The following PCDHGA11 variants were observed in gnomAD, a reference collection of about 807,000 sequenced individuals.
PCDHGA11 encodes protocadherin gamma-A11.
A neutral mutation model predicts 60.4 loss-of-function variants in PCDHGA11; 39 were observed. The observed-to-expected ratio is 0.65, with a 90% CI of 0.50 to 0.84. The LOEUF (loss-of-function observed/expected upper bound fraction) is 0.84. Ranked by LOEUF, PCDHGA11 falls within the 40% of genes least tolerant of loss-of-function variation. The pLI is 0.00. For synonymous variants in PCDHGA11, 533 were observed against 510.3 expected (o/e 1.04, Z -0.60); for missense variants, 1,165 against 1,197.7 (o/e 0.97, Z 0.40).
At chr5:141,470,649 C>T (rs1486535307) in intron 1 of PCDHGA11, among the ~76,000 whole-genome samples, 1 of 152,160 alleles carries the variant, frequency 6.6e-6, no homozygotes, top group African/African-American at 2.4e-5. Flanking sequence ...TTGAAGGCCC[C>T]TACCCTTTGG....
intron 1 of PCDHGA11, chr5:141,441,111 G>A (rs1457975305): frequency 1.3e-5 from 2 of 152,194 alleles, no homozygotes; most frequent in Non-Finnish European, 1.5e-5. Flanking sequence ...TCATTGTCCA[G>A]TGTACAGTTG....
At chr5:141,427,957 C>A in intron 1 of PCDHGA11, 2 of 1,588,400 alleles carry the variant, frequency 1.3e-6, no homozygotes, top group Non-Finnish European at 1.7e-6. Flanking sequence ...GACAATGTGC[C>A]GCGGGTGCTG....
chr5:141,491,980 C>T lies in PCDHGA11; in HGVS notation c.2434-2827C>T. ...AAAAAAGGCCGGGGCCTCCTTCGAG[C>T]TTCCGGTGAATTTCGGGCGATTTCC... On this transcript the variant is annotated intron_variant, in intron 1 of 3. Transcript: ENST00000398587. The surrounding 1 kb of genome is among the most constrained non-coding windows in gnomAD (Gnocchi z 6.9). The T allele has an allele frequency of 2.5e-6, 2 of 784,432 alleles. No individual in the cohort carries two copies. The highest frequency in any genetic ancestry group is 3.8e-6 in the Non-Finnish European group (2 of 530,588). 48.6% of individuals were successfully genotyped at this position (784,432 alleles called of 1,614,324 possible). A position where few individuals can be genotyped will look rare whatever the true frequency, so the allele number is the denominator to read the frequency against.
chr5:141,483,289 A>G (rs1446467890), intron 1 of PCDHGA11, among the ~76,000 whole-genome samples: 3 of 152,194 alleles, frequency 2.0e-5, no homozygotes, highest in Admixed American at 2.0e-4. Flanking sequence ...TCTGTCAGTC[A>G]TAAGTGAAGG....
At chr5:141,503,814 T>C (rs539980053) in intron 2 of PCDHGA11, among the ~76,000 whole-genome samples, 2 of 152,100 alleles carry the variant, frequency 1.3e-5, no homozygotes, top group East Asian at 3.9e-4. Flanking sequence ...GAATCCCAGA[T>C]TGGGCAAAAC....
At chr5:141,508,383 T>C (rs1169318572) in intron 3 of PCDHGA11, 1 of 152,236 alleles carries the variant, frequency 6.6e-6, no homozygotes, top group Non-Finnish European at 1.5e-5. Flanking sequence ...CTCAGATTTA[T>C]AGATGGGAAA....
chr5:141,476,234 G>A lies in PCDHGA11; in HGVS notation c.2434-18573G>A. 6.2e-7 allele frequency: 1 copy of A among 1,614,070 alleles called. No individual in the cohort carries two copies. The highest frequency in any genetic ancestry group is 8.5e-7 in the Non-Finnish European group (1 of 1,180,014). On this transcript the variant is annotated intron_variant, in intron 1 of 3. Coordinates refer to ENST00000398587, the MANE Select transcript of PCDHGA11 (RefSeq NM_018914.3). The surrounding 1 kb of genome is among the most constrained non-coding windows in gnomAD (Gnocchi z 7.6). Reference sequence around the variant, plus strand: ...GGTCATTCACTATGAGATCCCGGAGGAAAGAGAGAAGGGTTTCGCTGTGGG... The same window carrying A: ...GGTCATTCACTATGAGATCCCGGAGAAAAGAGAGAAGGGTTTCGCTGTGGG...
At position 141,487,791 on chromosome 5, in the gene PCDHGA11, C is replaced by T; in HGVS notation, c.2434-7016C>T. ...CTTTGTAACTGTTTCGTGAATTAAC[C>T]AGAGTTGTCACAGTTTAGCATTGGG... On this transcript the variant is annotated intron_variant, in intron 1 of 3. Coordinates refer to ENST00000398587, the MANE Select transcript of PCDHGA11 (RefSeq NM_018914.3). This position sits in a 1 kb window ranked among gnomAD's most constrained non-coding sequence, Gnocchi z 5.0. 6.6e-7 allele frequency: 1 copy of T among 1,510,152 alleles called. No individual in the cohort carries two copies. The highest frequency in any genetic ancestry group is 1.4e-5 in the African/African-American group (1 of 72,206). The allele number at this position is 1,510,152 out of a possible 1,614,324, so 93.5% of individuals were successfully genotyped here. A position where few individuals can be genotyped will look rare whatever the true frequency, so the allele number is the denominator to read the frequency against.
chr5:141,461,778 C>CA (rs1280703059), intron 1 of PCDHGA11, among the ~76,000 whole-genome samples: 6 of 152,052 alleles, frequency 3.9e-5, no homozygotes, highest in Non-Finnish European at 7.4e-5. Context: ...CTCAGCCTCC[C>CA]AAGTAGCTGG....
chr5:141,450,010 T>A (rs2098664468), intron 1 of PCDHGA11, among the ~76,000 whole-genome samples: 1 of 135,330 alleles, frequency 7.4e-6, no homozygotes, highest in African/African-American at 3.3e-5. Flanking sequence ...ATGTCTCTTT[T>A]TTTTTTTTTT....
chr5:141,441,887 A>G, intron 1 of PCDHGA11: 1 of 344,596 alleles, frequency 2.9e-6, no homozygotes, highest in African/African-American at 2.2e-5. Context: ...CTGGTCACCA[A>G]GGTGGTGGCT....
rs1032345173 is a variant in PCDHGA11 at position 141,468,852 on chromosome 5, C to T, written c.2434-25955C>T. Among the ~76,000 whole-genome samples the T allele has an allele frequency of 7.2e-5, 11 of 151,868 alleles. No individual in the cohort carries two copies. In the East Asian group the frequency reaches 9.7e-4, roughly 13 times the overall value. On this transcript the variant is annotated intron_variant, in intron 1 of 3. Transcript: ENST00000398587. ...CTGCACTCCAGCCTGGGCAACAGAG[C>T]GAGACTCCATCTCAAAAATAATAAT... is the stretch of plus-strand genomic sequence containing the variant.
intron 2 of PCDHGA11, among the ~76,000 whole-genome samples, chr5:141,499,146 C>T (rs1415999012): frequency 1.3e-5 from 2 of 152,132 alleles, no homozygotes; most frequent in African/African-American, 4.8e-5. Flanking sequence ...GTGTCTGATC[C>T]CAATAGCTGT....
chr5:141,451,976 A>T (rs2098729884), intron 1 of PCDHGA11, among the ~76,000 whole-genome samples: 1 of 152,164 alleles, frequency 6.6e-6, no homozygotes, highest in Non-Finnish European at 1.5e-5. Flanking sequence ...TTTTTGCTGT[A>T]GTTTGTTCAT....
At position 141,431,776 on chromosome 5, in the gene PCDHGA11, C is replaced by A; in HGVS notation, c.2433+8116C>A. Reference sequence around the variant, plus strand: ...CCAAAGTCCTGATCACTGTTCTGGACGTGAACGACAATGCCCCAGAAGTGG... The same window carrying A: ...CCAAAGTCCTGATCACTGTTCTGGAAGTGAACGACAATGCCCCAGAAGTGG... On this transcript the variant is annotated intron_variant, in intron 1 of 3. Coordinates refer to ENST00000398587, the MANE Select transcript of PCDHGA11 (RefSeq NM_018914.3). The surrounding 1 kb of genome is among the most constrained non-coding windows in gnomAD (Gnocchi z 4.8). The A allele has an allele frequency of 6.2e-7, 1 of 1,614,228 alleles. No homozygotes were observed. The highest frequency in any genetic ancestry group is 8.5e-7 in the Non-Finnish European group (1 of 1,180,044).
At chr5:141,437,778 G>C (rs750813139) in intron 1 of PCDHGA11, among the ~76,000 whole-genome samples, 1 of 146,836 alleles carries the variant, frequency 6.8e-6, no homozygotes, top group Non-Finnish European at 1.5e-5. Flanking sequence ...TCAATCTGTC[G>C]CCAAGCTGGA....
chr5:141,490,890 G>C lies in PCDHGA11; in HGVS notation c.2434-3917G>C, dbSNP rs751713801. The C allele has an allele frequency of 9.9e-6, 16 of 1,613,306 alleles. No homozygotes were observed. The South Asian group carries it at 1.2e-4, about 12-fold the overall frequency. On this transcript the variant is annotated intron_variant, in intron 1 of 3. Transcript: ENST00000398587. This position sits in a 1 kb window ranked among gnomAD's most constrained non-coding sequence, Gnocchi z 5.4. ...CCCCATTGCATGCCAACACATCTCT[G>C]CATGTGTTTGTCCTAGACGAGAATG...
Position 141,491,166 on chromosome 5 carries a change from G to A in PCDHGA11, c.2434-3641G>A. 1 of 1,614,150 alleles carries A rather than the reference G, an allele frequency of 6.2e-7. No individual in the cohort carries two copies. The highest frequency in any genetic ancestry group is 8.5e-7 in the Non-Finnish European group (1 of 1,179,964). ...TACTGGAGGATGACTCTGACACCCA[G>A]CAGGTGGTGGTCCTGGTGAGGGACA... On this transcript the variant is annotated intron_variant, in intron 1 of 3. Transcript: ENST00000398587. The surrounding 1 kb of genome is among the most constrained non-coding windows in gnomAD (Gnocchi z 6.9).
At chr5:141,428,024 A>G (rs2097101613) in intron 1 of PCDHGA11, 1 of 1,606,106 alleles carries the variant, frequency 6.2e-7, no homozygotes, top group African/African-American at 1.3e-5. Context: ...CACGCGCCGC[A>G]GAGTCCGGCT....
Sources: gnomAD v4.1 joint callset for allele counts (sites outside exome capture counted in the v4.1 genomes callset) on GRCh38, gnomAD v4.1.1 for gene constraint, Gnocchi (gnomAD v3.1) non-coding constraint, MANE v1.5 for transcripts, NCBI Gene and HGNC (gene_info 2026-07-23, HGNC 2026-07-21) for gene names.